The following GPC5 variants were observed in gnomAD, a reference collection of about 807,000 sequenced individuals.
GPC5 encodes glypican-5.
GPC5 carries 47 observed loss-of-function variants against 53.9 expected under a neutral mutation model. The observed-to-expected ratio is 0.87, with a 90% confidence interval of 0.69 to 1.11. GPC5 has a LOEUF of 1.11. Ranked by LOEUF, GPC5 falls within the 50% of genes most tolerant of loss-of-function variation. The pLI is 0.00. For missense variants in GPC5, 748 were observed against 713.1 expected, an observed-to-expected ratio of 1.05 and a Z score of -0.56; for synonymous variants, 286 against 263.3, an observed-to-expected ratio of 1.09 and a Z score of -0.84.
At position 92,666,869 on chromosome 13, in the gene GPC5, G is replaced by T. The variant is rs559939185; in HGVS notation, c.1562-199413G>T. 5.3e-5 allele frequency among the ~76,000 whole-genome samples: 8 copies of T among 152,282 alleles called. No homozygotes were observed. In the South Asian group the frequency reaches 1.7e-3, roughly 32 times the overall value. The stretch of plus-strand genomic sequence containing the variant: ...TTTATCACAAATATTTCCAAGAGGA[G>T]CTATATTGTGGACCTTATATTCCCC... On this transcript the variant is annotated intron_variant, in intron 7 of 7. Transcript: ENST00000377067.
chr13:91,771,950 A>G (rs1400970479), intron 5 of GPC5, among the ~76,000 whole-genome samples: 5 of 152,188 alleles, frequency 3.3e-5, no homozygotes, highest in Non-Finnish European at 7.4e-5. Flanking sequence ...TGAGAAATGA[A>G]TTGCATAAAG....
intron 7 of GPC5, among the ~76,000 whole-genome samples, chr13:92,291,495 GT>G (rs2042995528): frequency 6.6e-6 from 1 of 152,102 alleles, no homozygotes; most frequent in Non-Finnish European, 1.5e-5. Context: ...GAGAACCTCT[GT>G]GTCTAGCTCA....
intron 4 of GPC5, among the ~76,000 whole-genome samples, chr13:91,731,710 T>G (rs1260734043): frequency 6.6e-6 from 1 of 152,104 alleles, no homozygotes; most frequent in African/African-American, 2.4e-5. Flanking sequence ...GGCCCTGCTG[T>G]GTGATGTTCC....
chr13:91,823,719 A>G (rs2038531430), intron 5 of GPC5, among the ~76,000 whole-genome samples: 1 of 152,142 alleles, frequency 6.6e-6, no homozygotes, highest in South Asian at 2.1e-4. Context: ...AATTTTTGCT[A>G]TAAAACAGTG....
chr13:91,616,603 C>G (rs550314212), intron 2 of GPC5, among the ~76,000 whole-genome samples: 4 of 152,006 alleles, frequency 2.6e-5, no homozygotes, highest in Admixed American at 6.6e-5. Context: ...TTATCTCTGC[C>G]AATTTTTTCT....
intron 6 of GPC5, among the ~76,000 whole-genome samples, chr13:92,074,663 A>C (rs1047318938): frequency 3.3e-5 from 5 of 152,200 alleles, no homozygotes; most frequent in African/African-American, 7.2e-5. Context: ...ATCGTGAGAC[A>C]ATGACCCATC....
intron 7 of GPC5, among the ~76,000 whole-genome samples, chr13:92,472,171 G>A (rs1594230864): frequency 6.6e-6 from 1 of 152,042 alleles, no homozygotes; most frequent in East Asian, 1.9e-4. Context: ...GTGAACTTGG[G>A]CATATTACTC....
intron 5 of GPC5, among the ~76,000 whole-genome samples, chr13:91,841,218 T>A (rs1250001485): frequency 6.6e-6 from 1 of 151,696 alleles, no homozygotes; most frequent in Admixed American, 6.6e-5. Flanking sequence ...TATCGGAAAT[T>A]CTACTGCAGG....
chr13:91,426,545 C>T (rs934103166), intron 1 of GPC5, among the ~76,000 whole-genome samples: 4 of 152,190 alleles, frequency 2.6e-5, no homozygotes, highest in South Asian at 2.1e-4. Context: ...GGGAAGCCAA[C>T]AGTGCAGCCT....
chr13:91,454,683 A>C (rs1881413868), intron 2 of GPC5, among the ~76,000 whole-genome samples: 1 of 152,124 alleles, frequency 6.6e-6, no homozygotes, highest in Admixed American at 6.6e-5. Flanking sequence ...TTGTGAAATA[A>C]AACAAGAGAT....
At chr13:92,193,718 C>T (rs530447171) in intron 7 of GPC5, among the ~76,000 whole-genome samples, 4 of 152,298 alleles carry the variant, frequency 2.6e-5, no homozygotes, top group East Asian at 1.9e-4. Flanking sequence ...AGTGGCTACA[C>T]CCATTCGGCT....
intron 7 of GPC5, among the ~76,000 whole-genome samples, chr13:92,422,471 C>T (rs894589401): frequency 6.8e-6 from 1 of 147,068 alleles, no homozygotes; most frequent in African/African-American, 2.6e-5. Flanking sequence ...TTTCTGTAAG[C>T]ACCACCCATC....
At chr13:92,638,654 AT>A (rs1188492834) in intron 7 of GPC5, among the ~76,000 whole-genome samples, 1 of 152,144 alleles carries the variant, frequency 6.6e-6, no homozygotes, top group Non-Finnish European at 1.5e-5. Context: ...CTACCTATGA[AT>A]TACCATCCCC....
chr13:91,662,612 C>G (rs1381276629), intron 2 of GPC5, among the ~76,000 whole-genome samples: 1 of 151,990 alleles, frequency 6.6e-6, no homozygotes, highest in Admixed American at 6.6e-5. Flanking sequence ...ATCTTGTTCC[C>G]TCATTCAGTT....
At chr13:92,364,525 T>C (rs182562459) in intron 7 of GPC5, among the ~76,000 whole-genome samples, 4 of 151,754 alleles carry the variant, frequency 2.6e-5, no homozygotes, top group Admixed American at 2.6e-4. Flanking sequence ...GGTCAGGAGA[T>C]AGAGACCATC....
intron 7 of GPC5, among the ~76,000 whole-genome samples, chr13:92,174,705 T>G (rs1042901961): frequency 1.5e-4 from 23 of 151,806 alleles, no homozygotes; most frequent in Non-Finnish European, 1.9e-4. Flanking sequence ...AAAAAACAGA[T>G]TAGTCAAAAA....
At chr13:91,414,664 G>T (rs1420816217) in intron 1 of GPC5, among the ~76,000 whole-genome samples, 1 of 152,152 alleles carries the variant, frequency 6.6e-6, no homozygotes, top group Non-Finnish European at 1.5e-5. Flanking sequence ...CTCTCTGTTT[G>T]GCTTTTGCAT....
At chr13:91,652,507 G>A (rs879640687) in intron 2 of GPC5, among the ~76,000 whole-genome samples, 5 of 152,046 alleles carry the variant, frequency 3.3e-5, no homozygotes, top group Non-Finnish European at 5.9e-5. Context: ...AACACAACAA[G>A]CACTGTGATA....
chr13:91,838,414 G>A (rs1294325954), intron 5 of GPC5, among the ~76,000 whole-genome samples: 1 of 151,940 alleles, frequency 6.6e-6, no homozygotes, highest in East Asian at 1.9e-4. Flanking sequence ...AAGAACACAA[G>A]GTTAAAGGAA....
Sources: allele counts gnomAD v4.1 joint callset (sites outside exome capture counted in the v4.1 genomes callset), GRCh38; gene constraint gnomAD v4.1.1; transcripts MANE v1.5; gene names NCBI Gene and HGNC (gene_info 2026-07-23, HGNC 2026-07-21).